Variants in MAPT observed in about 807,000 individuals in gnomAD.
MAPT encodes microtubule-associated protein tau.
In MAPT, 34 loss-of-function variants were observed where a neutral mutation model predicts 67.9. That is an observed-to-expected ratio of 0.50 (90% CI 0.38 to 0.67). The LOEUF is 0.67. Among genes scored for constraint, MAPT ranks in the 30% least tolerant of loss-of-function variants. MAPT has a pLI of 0.00. For missense variants in MAPT, 881 were observed against 1,115.2 expected, an observed-to-expected ratio of 0.79 and a Z score of 2.99; for synonymous variants, 456 against 464.5, an observed-to-expected ratio of 0.98 and a Z score of 0.23.
At chr17:45,932,755 C>A (rs1196698705) in intron 1 of MAPT, among the ~76,000 whole-genome samples, 2 of 152,106 alleles carry the variant, frequency 1.3e-5, no homozygotes, top group African/African-American at 2.4e-5. Context: ...CTAACTAGAA[C>A]CTTACTAACA....
rs114203446 is a variant in MAPT, at chr17:45,983,006, G to T, written c.427G>T (p.Ala143Ser). Residue 143 changes from alanine (A) to serine (S), a missense_variant, in exon 5 of 13, where the codon GCT (alanine) becomes TCT (serine). Ala to Ser is a moderately conservative substitution (Grantham distance 99). Coordinates refer to ENST00000262410, the MANE Select transcript of MAPT (RefSeq NM_001377265.1). ...GTGCCTCGGGGAGAAAGAGCCAGAA[G>T]CTCCCGTCCCGCTGACCGCGAGCCT... ...GPCLGEKEPE[A>S]PVPLTASLPQ... 8.7e-4 allele frequency: 1,258 copies of T among 1,449,814 alleles called. 10 individuals are homozygous for T. The African/African-American group carries it at 0.016, about 18-fold the overall frequency. 89.8% of individuals were successfully genotyped at this position (1,449,814 alleles called of 1,614,324 possible).
chr17:45,975,589 A>G (rs1281513014), intron 3 of MAPT: 1 of 152,188 alleles, frequency 6.6e-6, no homozygotes, highest in Non-Finnish European at 1.5e-5. Context: ...CTCTCCCTTC[A>G]CAGTTATTTC....
chr17:45,985,494 C>G (rs1321138079), intron 5 of MAPT, among the ~76,000 whole-genome samples: 2 of 152,028 alleles, frequency 1.3e-5, no homozygotes, highest in Non-Finnish European at 2.9e-5. Context: ...AGTTCCATGG[C>G]CCAGTGACTG....
chr17:45,970,318 T>C (rs2071533940), intron 2 of MAPT, among the ~76,000 whole-genome samples: 2 of 151,950 alleles, frequency 1.3e-5, no homozygotes, highest in African/African-American at 4.8e-5. Context: ...TATACATCCA[T>C]CTAATCATTC....
chr17:45,985,708 G>A lies in MAPT; in HGVS notation c.1352-1332G>A. 1.0e-5 allele frequency: 10 copies of A among 985,446 alleles called. 1 individual carries two copies. The highest frequency in any genetic ancestry group is 1.1e-5 in the Non-Finnish European group (9 of 829,940). 61.0% of individuals were successfully genotyped at this position (985,446 alleles called of 1,614,324 possible). ...TTAGCAGATTCTTTTGTTGTGCCGTGGATGGTGCTGGTTGATGTGGGCAAA... is the reference window on the plus strand; with the variant it reads ...TTAGCAGATTCTTTTGTTGTGCCGTAGATGGTGCTGGTTGATGTGGGCAAA... On this transcript the variant is annotated intron_variant, in intron 5 of 12. Transcript: ENST00000262410.
Position 46,024,087 on chromosome 17 carries a change from C to T in MAPT, c.2418C>T (p.Thr806=), listed in dbSNP as rs749816245. The change falls in exon 13 of 13, where the codon ACC becomes ACT. Residue 806 remains threonine (T), a synonymous_variant. Coordinates refer to ENST00000262410, the MANE Select transcript of MAPT (RefSeq NM_001377265.1). ...GGCATCTCAGCAATGTCTCCTCCAC[C>T]GGCAGCATCGACATGGTAGACTCGC... ...SPRHLSNVSS[T]GSIDMVDSPQ... 6.8e-6 allele frequency: 11 copies of T among 1,614,026 alleles called. No homozygotes were observed. Among genetic ancestry groups the T allele is most frequent in the South Asian group, 3.3e-5 (3 of 91,086 alleles).
intron 5 of MAPT, chr17:45,985,832 G>T: frequency 1.9e-6 from 1 of 514,912 alleles, no homozygotes; most frequent in Non-Finnish European, 2.5e-6. Flanking sequence ...GGGTAAGCCT[G>T]GGAGTCTTTT....
At chr17:45,957,179 T>G (rs545580855) in intron 1 of MAPT, among the ~76,000 whole-genome samples, 1 of 152,266 alleles carries the variant, frequency 6.6e-6, no homozygotes, top group East Asian at 1.9e-4. Flanking sequence ...CCACACTGTC[T>G]TCCACAATGG....
At chr17:45,928,730 C>G (rs955992566) in intron 1 of MAPT, among the ~76,000 whole-genome samples, 1 of 152,130 alleles carries the variant, frequency 6.6e-6, no homozygotes, top group African/African-American at 2.4e-5. Context: ...GAGTTTTGCT[C>G]TGTCACCCAG....
chr17:45,929,912 G>A (rs1249735923), intron 1 of MAPT, among the ~76,000 whole-genome samples: 2 of 152,114 alleles, frequency 1.3e-5, no homozygotes, highest in Non-Finnish European at 2.9e-5. Context: ...GGCTCCCAGG[G>A]GAGCAGATAA....
intron 1 of MAPT, among the ~76,000 whole-genome samples, chr17:45,909,357 G>T (rs2064580202): frequency 6.6e-6 from 1 of 152,180 alleles, no homozygotes; most frequent in African/African-American, 2.4e-5. Flanking sequence ...CCCACAATGT[G>T]CAGAGAACAC....
intron 1 of MAPT, among the ~76,000 whole-genome samples, chr17:45,904,059 T>TTTA (rs1460915885): frequency 5.2e-5 from 1 of 19,388 alleles, no homozygotes; most frequent in Non-Finnish European, 1.0e-4. Flanking sequence ...ATATTATATA[T>TTTA]TATATATTAT....
Position 45,971,691 on chromosome 17 carries a change from G to T in MAPT, c.134-168G>T, listed in dbSNP as rs1027995323. 1.3e-5 allele frequency among the ~76,000 whole-genome samples: 2 copies of T among 152,180 alleles called. No individual in the cohort carries two copies. The highest frequency in any genetic ancestry group is 6.5e-5 in the Admixed American group (1 of 15,276). ...GGGCACAGTCGTGTTGGCAGGGAGGGAGGTGGGGTTGGTCCCCTTTGTGGG... is the reference window on the plus strand; with the variant it reads ...GGGCACAGTCGTGTTGGCAGGGAGGTAGGTGGGGTTGGTCCCCTTTGTGGG... On this transcript the variant is annotated intron_variant, in intron 2 of 12. Coordinates refer to ENST00000262410, the MANE Select transcript of MAPT (RefSeq NM_001377265.1). The surrounding 1 kb of genome is among the most constrained non-coding windows in gnomAD (Gnocchi z 4.3).
Position 46,024,217 on chromosome 17 carries a change from A to G in MAPT, c.*46A>G. 6.5e-7 allele frequency: 1 copy of G among 1,543,102 alleles called. No homozygotes were observed. The highest frequency in any genetic ancestry group is 8.9e-7 in the Non-Finnish European group (1 of 1,117,398). On this transcript the variant is annotated 3_prime_UTR_variant, in exon 13 of 13. Transcript: ENST00000262410. ...ATAATTGTGGAGAGGAGAGAATGAG[A>G]GAGTGTGGAAAAAAAAAGAATAATG...
chr17:45,950,788 G>A (rs936057600), intron 1 of MAPT, among the ~76,000 whole-genome samples: 2 of 151,958 alleles, frequency 1.3e-5, no homozygotes, highest in Admixed American at 6.6e-5. Flanking sequence ...TCAGCCTCCC[G>A]AGTAGCTGAG....
In MAPT at chr17:45,971,973, A is replaced by C; in HGVS notation, c.220+28A>C. 7 of 1,561,374 alleles carry C rather than the reference A, an allele frequency of 4.5e-6. No individual in the cohort carries two copies. The highest frequency in any genetic ancestry group is 6.2e-6 in the Non-Finnish European group (7 of 1,132,284). On this transcript the variant is annotated intron_variant, in intron 3 of 12. Transcript: ENST00000262410. The surrounding 1 kb of genome is among the most constrained non-coding windows in gnomAD (Gnocchi z 4.3). Reference sequence around the variant, plus strand: ...GGGCCCCCCTTCAGACGCCCCCTCCATGCCTCCAGCCTGTGCTTAGCCGTG... The same window carrying C: ...GGGCCCCCCTTCAGACGCCCCCTCCCTGCCTCCAGCCTGTGCTTAGCCGTG...
chr17:45,938,258 G>A (rs12150576), intron 1 of MAPT, among the ~76,000 whole-genome samples: 21,668 of 152,244 alleles, frequency 0.14, 2,128 homozygotes, highest in Middle Eastern at 0.22. Flanking sequence ...AGGGTCCAGG[G>A]GAGAATCCAT....
intron 1 of MAPT, among the ~76,000 whole-genome samples, chr17:45,938,873 G>T (rs945500698): frequency 6.7e-6 from 1 of 148,248 alleles, no homozygotes; most frequent in African/African-American, 2.5e-5. Flanking sequence ...GTGTGCAGTG[G>T]TGCAATCTCA....
At position 45,915,833 on chromosome 17, in the gene MAPT, G is replaced by A; in HGVS notation, c.-18+21147G>A. On this transcript the variant is annotated intron_variant, in intron 1 of 12. Transcript: ENST00000262410. The surrounding 1 kb of genome is among the most constrained non-coding windows in gnomAD (Gnocchi z 4.4). ...GACCTCGGTGGACATGTTCCCTGAGGTGAGGCTGACTGATGTCATTTGACG... is the reference window on the plus strand; with the variant it reads ...GACCTCGGTGGACATGTTCCCTGAGATGAGGCTGACTGATGTCATTTGACG... 6.6e-6 allele frequency among the ~76,000 whole-genome samples: 1 copy of A among 152,252 alleles called. No homozygotes were observed. Among genetic ancestry groups the A allele is most frequent in the East Asian group, 1.9e-4 (1 of 5,184 alleles).
Sources: allele counts gnomAD v4.1 joint callset (sites outside exome capture counted in the v4.1 genomes callset), GRCh38; gene constraint gnomAD v4.1.1; non-coding constraint Gnocchi (gnomAD v3.1); transcripts MANE v1.5; gene names NCBI Gene and HGNC (gene_info 2026-07-23, HGNC 2026-07-21).